SPAG16: variants seen among roughly 807,000 people sequenced by gnomAD.
SPAG16 encodes the protein sperm-associated antigen 16 protein.
A neutral mutation model predicts 80.4 loss-of-function variants in SPAG16; 86 were observed. That is an observed-to-expected ratio of 1.07 (90% CI 0.90 to 1.28). The LOEUF is 1.28. Ranked by LOEUF, SPAG16 falls within the 50% of genes most tolerant of loss-of-function variation. The pLI, the probability that SPAG16 is intolerant of heterozygous loss-of-function variation, is 0.00. For synonymous variants in SPAG16, 294 were observed against 265.9 expected, an observed-to-expected ratio of 1.11 and a Z score of -1.03; for missense variants, 870 against 765.3, an observed-to-expected ratio of 1.14 and a Z score of -1.61.
At chr2:213,321,219 G>A (rs1019720910) in intron 5 of SPAG16, among the ~76,000 whole-genome samples, 1 of 152,034 alleles carries the variant, frequency 6.6e-6, no homozygotes, top group Admixed American at 6.6e-5. Context: ...ATTTAGTGAT[G>A]TATCTAGGAA....
chr2:213,776,954 A>G (rs1029588933), intron 10 of SPAG16, among the ~76,000 whole-genome samples: 17 of 151,908 alleles, frequency 1.1e-4, no homozygotes, highest in African/African-American at 4.1e-4. Context: ...AATAGTGGAA[A>G]AAAAGGTAAA....
At position 214,394,198 on chromosome 2, in the gene SPAG16, G is replaced by A. The variant is rs6719752; in HGVS notation, c.1721-15942G>A. Among the ~76,000 whole-genome samples the A allele has an allele frequency of 5.3e-4, 80 of 152,022 alleles. 1 individual carries two copies. The highest frequency in any genetic ancestry group is 1.6e-3 in the African/African-American group (68 of 41,460). ...TTCTCTCTCTGTGCCTCTTTTTTCT[G>A]TGTGGCTTTTTTTCTCTCTCTCTTT... On this transcript the variant is annotated intron_variant, in intron 15 of 15. Transcript: ENST00000331683.
chr2:213,317,512 T>G (rs1355323115), intron 5 of SPAG16, 156 bp downstream of exon 5: 1 of 1,343,996 alleles, frequency 7.4e-7, no homozygotes, highest in African/African-American at 1.5e-5. Flanking sequence ...AGCAAATTAA[T>G]TAAACAGATG....
chr2:214,097,912 G>C (rs1423156418), intron 13 of SPAG16, among the ~76,000 whole-genome samples: 2 of 151,894 alleles, frequency 1.3e-5, no homozygotes, highest in East Asian at 3.9e-4. Flanking sequence ...CCCCAAAATG[G>C]CACTATCATG....
chr2:213,329,612 A>T (rs1209327570), intron 5 of SPAG16, among the ~76,000 whole-genome samples: 1 of 152,216 alleles, frequency 6.6e-6, no homozygotes, highest in East Asian at 1.9e-4. Context: ...AACAGAGCAT[A>T]AAAGTTTGGA....
At chr2:213,772,684 C>T (rs896441059) in intron 10 of SPAG16, among the ~76,000 whole-genome samples, 3 of 152,040 alleles carry the variant, frequency 2.0e-5, no homozygotes, top group South Asian at 2.1e-4. Context: ...GATTAATTCT[C>T]CTAAATTTGT....
At chr2:214,137,304 C>A (rs1304429143) in intron 14 of SPAG16, among the ~76,000 whole-genome samples, 1 of 151,964 alleles carries the variant, frequency 6.6e-6, no homozygotes, top group Non-Finnish European at 1.5e-5. Context: ...CATTAATAAT[C>A]TTCGGCAATG....
chr2:213,595,899 T>C (rs552279416), intron 10 of SPAG16, among the ~76,000 whole-genome samples: 16 of 152,206 alleles, frequency 1.1e-4, no homozygotes, highest in Non-Finnish European at 2.4e-4. Flanking sequence ...CAACAGTATA[T>C]TAAAATGTAC....
intron 9 of SPAG16, among the ~76,000 whole-genome samples, chr2:213,403,899 C>T (rs1309496811): frequency 6.6e-6 from 1 of 152,142 alleles, no homozygotes; most frequent in Non-Finnish European, 1.5e-5. Flanking sequence ...CACAAGCATT[C>T]TTATACACCA....
intron 10 of SPAG16, among the ~76,000 whole-genome samples, chr2:213,827,700 A>G (rs970631077): frequency 6.6e-6 from 1 of 152,004 alleles, no homozygotes; most frequent in African/African-American, 2.4e-5. Context: ...TTCTTGTAGG[A>G]CAGGTCTGGT....
At chr2:213,353,131 G>A (rs2065427968) in intron 7 of SPAG16, among the ~76,000 whole-genome samples, 1 of 152,166 alleles carries the variant, frequency 6.6e-6, no homozygotes, top group African/African-American at 2.4e-5. Flanking sequence ...TGGTGTCCAG[G>A]TACATGAAAC....
chr2:213,702,499 A>G (rs534311296), intron 10 of SPAG16, among the ~76,000 whole-genome samples: 20 of 152,336 alleles, frequency 1.3e-4, no homozygotes, highest in African/African-American at 3.1e-4. Context: ...CTCCAGCCAC[A>G]CCATCTTTAA....
At chr2:213,963,239 A>G (rs2044545634) in intron 12 of SPAG16, among the ~76,000 whole-genome samples, 1 of 150,548 alleles carries the variant, frequency 6.6e-6, no homozygotes, top group Non-Finnish European at 1.5e-5. Context: ...TCGTGTTTTC[A>G]TTTTCATTTA....
At chr2:213,869,114 G>A (rs1426060424) in intron 11 of SPAG16, among the ~76,000 whole-genome samples, 1 of 150,978 alleles carries the variant, frequency 6.6e-6, no homozygotes, top group Non-Finnish European at 1.5e-5. Flanking sequence ...TTAGCCGGGT[G>A]TAGTGACAGG....
intron 15 of SPAG16, among the ~76,000 whole-genome samples, chr2:214,349,710 A>G (rs560308256): frequency 2.5e-4 from 38 of 152,348 alleles, no homozygotes; most frequent in Non-Finnish European, 4.3e-4. Context: ...CCAATGCACA[A>G]GAGTTCCAGT....
Position 214,141,869 on chromosome 2 carries a change from T to TA in SPAG16, c.1594-7270dup, listed in dbSNP as rs2055379552. The stretch of plus-strand genomic sequence containing the variant: ...CTCTGTTTAGGTGCAGTTTTATTTT[T>TA]ATGCATTATACTCAATATTTGGAGC... On this transcript the variant is annotated intron_variant, in intron 14 of 15. Transcript: ENST00000331683. 1.3e-5 allele frequency among the ~76,000 whole-genome samples: 2 copies of TA among 152,222 alleles called. 1 individual carries two copies. Among genetic ancestry groups the TA allele is most frequent in the South Asian group, 4.1e-4 (2 of 4,836 alleles).
At chr2:214,054,079 G>A (rs533903383) in intron 13 of SPAG16, among the ~76,000 whole-genome samples, 28 of 151,956 alleles carry the variant, frequency 1.8e-4, no homozygotes, top group African/African-American at 6.8e-4. Context: ...GCACAATCTC[G>A]GCTCACTGAA....
intron 10 of SPAG16, among the ~76,000 whole-genome samples, chr2:213,564,476 C>G (rs2059696506): frequency 7.5e-6 from 1 of 132,624 alleles, no homozygotes; most frequent in African/African-American, 2.9e-5. Flanking sequence ...GTCTGGGGGA[C>G]AGAGTGGGAC....
At position 213,930,042 on chromosome 2, in the gene SPAG16, G is replaced by A. The variant is rs1442153492; in HGVS notation, c.1297G>A (p.Glu433Lys). The A allele has an allele frequency of 1.9e-6, 3 of 1,613,986 alleles. No individual in the cohort carries two copies. The African/African-American group carries it at 4.0e-5, about 22-fold the overall frequency. Residue 433 changes from glutamate (E) to lysine (K), a missense_variant, in exon 12 of 16, where the codon GAA (glutamate) becomes AAA (lysine). Physicochemically the swap from Glu to Lys is moderately conservative, Grantham distance 56. Transcript: ENST00000331683. ...LCKGDCILTF[E>K]GHSRAVWSCT... is the part of the protein sequence containing the mutation. ...TAAAGGCGATTGCATTTTGACCTTT[G>A]AAGGACACAGCCGCGCAGTGTGGTC... is the stretch of plus-strand genomic sequence containing the variant.
Sources: allele counts gnomAD v4.1 joint callset (sites outside exome capture counted in the v4.1 genomes callset), GRCh38; gene constraint gnomAD v4.1.1; transcripts MANE v1.5; gene names NCBI Gene and HGNC (gene_info 2026-07-23, HGNC 2026-07-21).